ATXN1: variants seen among roughly 807,000 people sequenced by gnomAD.
The protein encoded by ATXN1 is ataxin 1.
Under a neutral mutation model 56.4 loss-of-function variants are expected in ATXN1, and 8 were observed. The ratio of observed to expected loss-of-function variants is 0.14; its 90% CI spans 0.08 to 0.26. The LOEUF is 0.26. ATXN1 is among the 10% of genes least tolerant of loss of function. The probability of loss-of-function intolerance (pLI) is 1.00; values close to 1 mark genes in which losing one functional copy is unlikely to be tolerated. For missense variants in ATXN1, 987 were observed against 1,106.5 expected, an observed-to-expected ratio of 0.89 and a Z score of 1.53; for synonymous variants, 514 against 494.6, an observed-to-expected ratio of 1.04 and a Z score of -0.52.
chr6:16,469,303 CT>C (rs1760171117), intron 6 of ATXN1, among the ~76,000 whole-genome samples: 1 of 152,166 alleles, frequency 6.6e-6, no homozygotes, highest in Admixed American at 6.5e-5. Context: ...CAGTGTGATA[CT>C]TGCAGTAATA....
At chr6:16,453,349 T>C (rs1050624873) in intron 6 of ATXN1, among the ~76,000 whole-genome samples, 2 of 152,110 alleles carry the variant, frequency 1.3e-5, no homozygotes, top group African/African-American at 4.8e-5. Context: ...TAGTCCCAGC[T>C]ACTCAGGAGG....
In ATXN1 at chr6:16,303,482, A is replaced by G. The variant is rs186702898; in HGVS notation, c.*2847T>C. On this transcript the variant is annotated 3_prime_UTR_variant, in exon 8 of 8. Transcript: ENST00000436367. This position sits in a 1 kb window ranked among gnomAD's most constrained non-coding sequence, Gnocchi z 4.3. ...ATGGGGAAGATCAACCAAACAAGGA[A>G]AAAGCCAAAAGGGAATGAGCTTTAA... The G allele has an allele frequency of 2.3e-3, 352 of 152,888 alleles. 2 individuals carry two copies. The highest frequency in any genetic ancestry group is 0.014 in the Middle Eastern group (4 of 294). 9.5% of individuals were successfully genotyped at this position (152,888 alleles called of 1,614,324 possible). A position where few individuals can be genotyped will look rare whatever the true frequency, so the allele number is the denominator to read the frequency against.
At chr6:16,620,525 T>C (rs1222295169) in intron 3 of ATXN1, among the ~76,000 whole-genome samples, 3 of 152,148 alleles carry the variant, frequency 2.0e-5, no homozygotes, top group African/African-American at 7.2e-5. Context: ...AGATGAAGAT[T>C]CTCATATCCT....
chr6:16,674,808 A>G (rs190293206), intron 2 of ATXN1, among the ~76,000 whole-genome samples: 14 of 152,308 alleles, frequency 9.2e-5, no homozygotes, highest in Admixed American at 5.9e-4. Flanking sequence ...TTGGAATGAG[A>G]TCCTGGGAAA....
At chr6:16,628,976 G>A (rs1345055988) in intron 3 of ATXN1, among the ~76,000 whole-genome samples, 3 of 152,150 alleles carry the variant, frequency 2.0e-5, no homozygotes, top group Non-Finnish European at 4.4e-5. Context: ...ATTCCTCTGG[G>A]TAGATACCCA....
intron 3 of ATXN1, among the ~76,000 whole-genome samples, chr6:16,621,244 G>A (rs1416408434): frequency 1.3e-5 from 2 of 152,220 alleles, no homozygotes; most frequent in Non-Finnish European, 2.9e-5. Flanking sequence ...TTGACACCTT[G>A]TCGGCTGCTC....
intron 4 of ATXN1, among the ~76,000 whole-genome samples, chr6:16,523,184 G>C (rs570245744): frequency 7.4e-4 from 112 of 152,276 alleles, no homozygotes; most frequent in African/African-American, 2.7e-3. Context: ...TTACAGGTTT[G>C]AGCCATCGTA....
At chr6:16,606,927 C>T (rs949312694) in intron 3 of ATXN1, among the ~76,000 whole-genome samples, 2 of 81,114 alleles carry the variant, frequency 2.5e-5, no homozygotes, top group African/African-American at 4.0e-5. Flanking sequence ...GCTCTTATTG[C>T]GCAGGCTGGA....
At chr6:16,564,649 G>T (rs1445759051) in intron 4 of ATXN1, among the ~76,000 whole-genome samples, 2 of 152,198 alleles carry the variant, frequency 1.3e-5, no homozygotes, top group African/African-American at 2.4e-5. Flanking sequence ...GGAATGTCTA[G>T]AACAAGCAAA....
At chr6:16,324,902 T>G (rs563818247) in intron 7 of ATXN1, among the ~76,000 whole-genome samples, 1 of 152,324 alleles carries the variant, frequency 6.6e-6, no homozygotes, top group East Asian at 1.9e-4. Flanking sequence ...CGCTTTTATT[T>G]TCTGATGCTT....
chr6:16,697,639 C>T (rs771023954), intron 2 of ATXN1, among the ~76,000 whole-genome samples: 62 of 142,590 alleles, frequency 4.3e-4, no homozygotes, highest in Non-Finnish European at 2.9e-4. Flanking sequence ...ACAGCACTCT[C>T]ACTGGGCTTA....
intron 5 of ATXN1, among the ~76,000 whole-genome samples, chr6:16,508,097 A>G (rs1205572214): frequency 6.6e-6 from 1 of 152,146 alleles, no homozygotes; most frequent in Non-Finnish European, 1.5e-5. Context: ...GGTCTCAACA[A>G]ATGTAACCAA....
chr6:16,542,329 TTGCGCTCTTCAAATAGCAGAGAGCACTA>T (rs1189703085), intron 4 of ATXN1, among the ~76,000 whole-genome samples: 4 of 152,262 alleles, frequency 2.6e-5, no homozygotes, highest in Non-Finnish European at 5.9e-5. Context: ...TAAATCTAAA[TTGCGCTCTTCAAATAGCAGAGAGCACTA>T]TGCTTCAGTA....
At chr6:16,448,122 C>T (rs774868930) in intron 6 of ATXN1, among the ~76,000 whole-genome samples, 6 of 152,200 alleles carry the variant, frequency 3.9e-5, no homozygotes, top group Non-Finnish European at 7.3e-5. Flanking sequence ...GAAGGCCCTA[C>T]ATGATCTGAC....
intron 5 of ATXN1, among the ~76,000 whole-genome samples, chr6:16,487,355 T>C (rs941459661): frequency 2.6e-5 from 4 of 152,108 alleles, no homozygotes; most frequent in African/African-American, 9.7e-5. Context: ...AGAGTGGTCC[T>C]TTATCTCTAA....
intron 6 of ATXN1, among the ~76,000 whole-genome samples, chr6:16,403,808 G>T (rs1001941465): frequency 6.6e-6 from 1 of 152,070 alleles, no homozygotes; most frequent in Non-Finnish European, 1.5e-5. Context: ...TAGGTTGTGG[G>T]GCTGCATGTG....
chr6:16,400,828 C>T (rs909168286), intron 6 of ATXN1, among the ~76,000 whole-genome samples: 1 of 152,168 alleles, frequency 6.6e-6, no homozygotes, highest in African/African-American at 2.4e-5. Flanking sequence ...CAAAGAAGGT[C>T]ATGGTCTACT....
chr6:16,568,938 T>C (rs1762280220), intron 4 of ATXN1, among the ~76,000 whole-genome samples: 1 of 152,066 alleles, frequency 6.6e-6, no homozygotes, highest in African/African-American at 2.4e-5. Context: ...GAATGAACCA[T>C]CTGGGAGGAC....
intron 4 of ATXN1, among the ~76,000 whole-genome samples, chr6:16,544,740 C>T (rs988411993): frequency 6.6e-6 from 1 of 152,142 alleles, no homozygotes; most frequent in Admixed American, 6.5e-5. Flanking sequence ...TTGCCTGCAG[C>T]TTGCATCTGA....
Sources: allele counts gnomAD v4.1 joint callset (sites outside exome capture counted in the v4.1 genomes callset), GRCh38; gene constraint gnomAD v4.1.1; non-coding constraint Gnocchi (gnomAD v3.1); transcripts MANE v1.5; gene names NCBI Gene and HGNC (gene_info 2026-07-23, HGNC 2026-07-21).